ARHGAP17: variants seen among roughly 807,000 people sequenced by gnomAD.
The protein encoded by ARHGAP17 is Rho GTPase activating protein 17.
A neutral mutation model predicts 99.5 loss-of-function variants in ARHGAP17; 57 were observed. That is an observed-to-expected ratio of 0.57 (90% confidence interval 0.46 to 0.71). The LOEUF is 0.71. Among genes scored for constraint, ARHGAP17 ranks in the 30% least tolerant of loss-of-function variants. ARHGAP17 has a pLI of 0.00. For missense variants in ARHGAP17, 1,000 were observed against 1,122.4 expected (o/e 0.89, Z 1.56); for synonymous variants, 417 against 429.6 (o/e 0.97, Z 0.36).
chr16:24,945,179 C>G (rs2141205294), intron 14 of ARHGAP17, among the ~76,000 whole-genome samples: 1 of 151,746 alleles, frequency 6.6e-6, no homozygotes, highest in Middle Eastern at 3.4e-3. Flanking sequence ...AAAAATTGGC[C>G]AGGTGTGGTG....
chr16:24,921,314 G>A (rs1238767973), intron 19 of ARHGAP17, among the ~76,000 whole-genome samples: 3 of 152,232 alleles, frequency 2.0e-5, no homozygotes, highest in African/African-American at 2.4e-5. Flanking sequence ...TGGTGTAAGA[G>A]AGAAGAGAGA....
At chr16:24,945,038 GAAGAA>G (rs571014484) in intron 14 of ARHGAP17, among the ~76,000 whole-genome samples, 262 of 151,684 alleles carry the variant, frequency 1.7e-3, no homozygotes, top group African/African-American at 5.9e-3. Flanking sequence ...GGCTCAAAAA[GAAGAA>G]AATAAGTAGG....
intron 1 of ARHGAP17, among the ~76,000 whole-genome samples, chr16:24,984,465 G>C (rs2052796475): frequency 6.6e-6 from 1 of 151,916 alleles, no homozygotes; most frequent in African/African-American, 2.4e-5. Context: ...AGGAGATCGA[G>C]ACCACGGTGA....
At chr16:24,937,400 C>T (rs557260471) in intron 17 of ARHGAP17, among the ~76,000 whole-genome samples, 93 of 152,008 alleles carry the variant, frequency 6.1e-4, no homozygotes, top group African/African-American at 2.1e-3. Context: ...CCAGCCTGGG[C>T]AACAGAGCGA....
intron 7 of ARHGAP17, among the ~76,000 whole-genome samples, chr16:24,961,582 G>A (rs1769642747): frequency 7.2e-6 from 1 of 139,436 alleles, no homozygotes; most frequent in Admixed American, 7.4e-5. Context: ...CCAGGCTGGA[G>A]TCTGGTGGCG....
At chr16:24,947,442 GA>G in intron 14 of ARHGAP17, 39 bp downstream of exon 14, 1 of 1,536,568 alleles carries the variant, frequency 6.5e-7, no homozygotes, top group Non-Finnish European at 9.0e-7. Flanking sequence ...CATCAGGTGG[GA>G]AAGAAGAAAT....
chr16:24,952,400 G>A (rs2051670953), intron 11 of ARHGAP17, 30 bp from the exon 12 acceptor site: 1 of 1,544,244 alleles, frequency 6.5e-7, no homozygotes, highest in African/African-American at 1.4e-5. Flanking sequence ...CTTTGAGTAT[G>A]AAAAAGGGGT....
chr16:25,002,441 C>A (rs962350518), intron 1 of ARHGAP17, among the ~76,000 whole-genome samples: 1 of 152,166 alleles, frequency 6.6e-6, no homozygotes, highest in African/African-American at 2.4e-5. Flanking sequence ...CTCCCTGGTC[C>A]TGACTCCATC....
chr16:24,946,062 T>C (rs1451806231), intron 14 of ARHGAP17, among the ~76,000 whole-genome samples: 1 of 152,192 alleles, frequency 6.6e-6, no homozygotes, highest in East Asian at 1.9e-4. Context: ...AATGAGATCA[T>C]CACAATGCCA....
chr16:24,993,540 G>A (rs2053109641), intron 1 of ARHGAP17, among the ~76,000 whole-genome samples: 1 of 149,932 alleles, frequency 6.7e-6, no homozygotes, highest in African/African-American at 2.5e-5. Flanking sequence ...AGTGAGCTGA[G>A]ATTGCACCAC....
Position 24,939,601 on chromosome 16 carries a change from C to T in ARHGAP17, c.1491-4G>A, listed in dbSNP as rs1597376942. The T allele has an allele frequency of 6.3e-7, 1 of 1,599,978 alleles. No individual in the cohort carries two copies. Among genetic ancestry groups the T allele is most frequent in the Non-Finnish European group, 8.5e-7 (1 of 1,173,802 alleles). On this transcript the variant is annotated splice_region_variant and splice_polypyrimidine_tract_variant and intron_variant, in intron 16 of 19. Transcript: ENST00000289968. Reference sequence around the variant, plus strand: ...GTCCATAAGCTTCACACCAAAGCTACACAGAGAGAAGAAACAGTCAACACA... The same window carrying T: ...GTCCATAAGCTTCACACCAAAGCTATACAGAGAGAAGAAACAGTCAACACA...
At chr16:24,943,446 T>C (rs1447610967) in intron 15 of ARHGAP17, among the ~76,000 whole-genome samples, 1 of 152,234 alleles carries the variant, frequency 6.6e-6, no homozygotes, top group Non-Finnish European at 1.5e-5. Context: ...TGTGTTATAA[T>C]TTATCTGTTC....
intron 14 of ARHGAP17, among the ~76,000 whole-genome samples, chr16:24,944,115 A>T (rs889766917): frequency 6.6e-6 from 1 of 151,968 alleles, no homozygotes; most frequent in African/African-American, 2.4e-5. Flanking sequence ...TACTAAAAAT[A>T]CAAAAATTAG....
At position 24,955,303 on chromosome 16, in the gene ARHGAP17, C is replaced by T. The variant is rs1028190841; in HGVS notation, c.725-573G>A. 1.3e-5 allele frequency: 2 copies of T among 152,252 alleles called. No individual in the cohort carries two copies. Among genetic ancestry groups the T allele is most frequent in the Non-Finnish European group, 2.9e-5 (2 of 68,070 alleles). 9.4% of individuals were successfully genotyped at this position (152,252 alleles called of 1,614,324 possible). ...CCGCGGCATGCAGTGCTTCAGAACACCGCATCCCCAAACAGCTCCGAAAAA... is the reference window on the plus strand; with the variant it reads ...CCGCGGCATGCAGTGCTTCAGAACATCGCATCCCCAAACAGCTCCGAAAAA... On this transcript the variant is annotated intron_variant, in intron 9 of 19. Transcript: ENST00000289968. The surrounding 1 kb of genome is among the most constrained non-coding windows in gnomAD (Gnocchi z 4.0).
chr16:24,988,191 TTCTGGGAAGGAA>T (rs1265392271), intron 1 of ARHGAP17, among the ~76,000 whole-genome samples: 1 of 152,234 alleles, frequency 6.6e-6, no homozygotes, highest in Non-Finnish European at 1.5e-5. Flanking sequence ...CGTCTTAGAT[TTCTGGGAAGGAA>T]TCTAAAATCT....
chr16:24,979,704 T>TTTATTATTA (rs532237734), intron 1 of ARHGAP17, among the ~76,000 whole-genome samples: 10,681 of 150,518 alleles, frequency 0.071, 458 homozygotes, highest in Middle Eastern at 0.17. Context: ...TAATTTTTAT[T>TTTATTATTA]TTATTATTAT....
intron 7 of ARHGAP17, 50 bp downstream of exon 7, chr16:24,964,146 TC>T: frequency 8.2e-7 from 1 of 1,213,550 alleles, no homozygotes; most frequent in Non-Finnish European, 1.2e-6. Flanking sequence ...TGAACTTTCA[TC>T]CCTCATTTGC....
intron 13 of ARHGAP17, 54 bp from the exon 14 acceptor site, chr16:24,947,649 G>T: frequency 2.1e-6 from 3 of 1,449,108 alleles, no homozygotes; most frequent in South Asian, 1.1e-5. Context: ...CTGCTGGAAT[G>T]TTCTCTTCCT....
rs1465443089 is a variant in ARHGAP17 at position 25,015,326 on chromosome 16, T to A, written c.-65A>T. Reference sequence around the variant, plus strand: ...GCAGGGCGGGGGACAGCCTGGCAGCTACTACATCGCTTCCCGGCCCAAACG... The same window carrying A: ...GCAGGGCGGGGGACAGCCTGGCAGCAACTACATCGCTTCCCGGCCCAAACG... On this transcript the variant is annotated 5_prime_UTR_variant, in exon 1 of 20. Transcript: ENST00000289968. 21 of 1,226,742 alleles carry A rather than the reference T, an allele frequency of 1.7e-5. No individual in the cohort carries two copies. 76.0% of individuals were successfully genotyped at this position (1,226,742 alleles called of 1,614,324 possible).
Sources: allele counts gnomAD v4.1 joint callset (sites outside exome capture counted in the v4.1 genomes callset), GRCh38; gene constraint gnomAD v4.1.1; non-coding constraint Gnocchi (gnomAD v3.1); transcripts MANE v1.5; gene names NCBI Gene and HGNC (gene_info 2026-07-23, HGNC 2026-07-21).